SSX2IP: variants seen among roughly 807,000 people sequenced by gnomAD.
The protein encoded by SSX2IP is afadin- and alpha-actinin-binding protein.
A neutral mutation model predicts 84.9 loss-of-function variants in SSX2IP; 55 were observed. The ratio of observed to expected loss-of-function variants is 0.65; its 90% CI spans 0.52 to 0.81. The LOEUF (loss-of-function observed/expected upper bound fraction) is 0.81. Among genes scored for constraint, SSX2IP ranks in the 30% least tolerant of loss-of-function variants. The probability of loss-of-function intolerance (pLI) is 0.00; values close to 1 mark genes in which losing one functional copy is unlikely to be tolerated. For synonymous variants in SSX2IP, 239 were observed against 234.7 expected, an observed-to-expected ratio of 1.02 and a Z score of -0.17; for missense variants, 664 against 705.2, an observed-to-expected ratio of 0.94 and a Z score of 0.66.
chr1:84,660,298 T>C (rs1243821578), intron 8 of SSX2IP, among the ~76,000 whole-genome samples: 1 of 152,110 alleles, frequency 6.6e-6, no homozygotes, highest in African/African-American at 2.4e-5. Context: ...GGCTGAGTAA[T>C]GGGGGTGAGG....
chr1:84,673,451 C>T (rs1323197714), intron 1 of SSX2IP, among the ~76,000 whole-genome samples: 1 of 152,200 alleles, frequency 6.6e-6, no homozygotes, highest in Non-Finnish European at 1.5e-5. Context: ...AGCAAGGCTA[C>T]AGCGTAGGAA....
At chr1:84,649,923 G>C (rs1649980693) in intron 13 of SSX2IP, 1 of 537,950 alleles carries the variant, frequency 1.9e-6, no homozygotes, top group South Asian at 1.4e-5. Flanking sequence ...CACTCAACAG[G>C]AACAGGCTTT....
Position 84,652,068 on chromosome 1 carries a change from C to T in SSX2IP, c.1390-71G>A, listed in dbSNP as rs556979632. 4.8e-5 allele frequency: 53 copies of T among 1,103,578 alleles called. No individual in the cohort carries two copies. The Admixed American group carries it at 5.3e-4, about 11-fold the overall frequency. The allele number at this position is 1,103,578 out of a possible 1,614,324, so 68.4% of individuals were successfully genotyped here. A position where few individuals can be genotyped will look rare whatever the true frequency, so the allele number is the denominator to read the frequency against. On this transcript the variant is annotated intron_variant, in intron 11 of 13. Transcript: ENST00000342203. ...ACACAGTTGCCATTTCACATGATTGCTCTAGCTATCTTTGTTTGCTCTCTG... is the reference window on the plus strand; with the variant it reads ...ACACAGTTGCCATTTCACATGATTGTTCTAGCTATCTTTGTTTGCTCTCTG...
In SSX2IP at chr1:84,648,451, A is replaced by C. The variant is rs545938668; in HGVS notation, c.1671-844T>G. On this transcript the variant is annotated intron_variant, in intron 13 of 13. Coordinates refer to ENST00000342203, the MANE Select transcript of SSX2IP (RefSeq NM_001166293.2). Reference sequence around the variant, plus strand: ...TTTTTATTTTTATAGTCTGTCACTAAATGTTTTTAAGTGCTTTACATACAT... The same window carrying C: ...TTTTTATTTTTATAGTCTGTCACTACATGTTTTTAAGTGCTTTACATACAT... Among the ~76,000 whole-genome samples, 16 of 152,312 alleles carry C rather than the reference A, an allele frequency of 1.1e-4. No homozygotes were observed. In the East Asian group the frequency reaches 2.9e-3, roughly 28 times the overall value.
intron 6 of SSX2IP, among the ~76,000 whole-genome samples, chr1:84,663,831 T>C (rs1323334044): frequency 6.6e-6 from 1 of 152,222 alleles, no homozygotes; most frequent in Admixed American, 6.5e-5. Flanking sequence ...TCTACTTTCG[T>C]GTTTCTTTGC....
rs74098429 is a variant in SSX2IP, at chr1:84,665,422, A to G, written c.537+700T>C. On this transcript the variant is annotated intron_variant, in intron 5 of 13. Coordinates refer to ENST00000342203, the MANE Select transcript of SSX2IP (RefSeq NM_001166293.2). ...GAAATACACTCCTCAGAAGTCTTTA[A>G]TTGTAGTTAAAACAACATATAAAAC... Among the ~76,000 whole-genome samples the G allele has an allele frequency of 9.8e-3, 1,491 of 152,328 alleles. 20 individuals carry two copies. Among genetic ancestry groups the G allele is most frequent in the African/African-American group, 0.034 (1,409 of 41,574 alleles).
Position 84,659,537 on chromosome 1 carries a change from T to C in SSX2IP, c.928-1069A>G, listed in dbSNP as rs147903279. On this transcript the variant is annotated intron_variant, in intron 8 of 13. Coordinates refer to ENST00000342203, the MANE Select transcript of SSX2IP (RefSeq NM_001166293.2). ...TTGGCCGGGCGCGGTGGCTCATGCC[T>C]GTATGTAATCCCAGCACTTTGGGAG... Among the ~76,000 whole-genome samples the C allele has an allele frequency of 3.3e-4, 51 of 152,248 alleles. No individual in the cohort carries two copies. In the East Asian group the frequency reaches 5.8e-3, roughly 17 times the overall value.
intron 1 of SSX2IP, among the ~76,000 whole-genome samples, chr1:84,680,021 T>A (rs1654865548): frequency 5.3e-5 from 8 of 152,174 alleles, no homozygotes; most frequent in Admixed American, 5.2e-4. Context: ...ACTACTCCTT[T>A]AAGAACCAGA....
chr1:84,661,312 T>C (rs1451670583), intron 8 of SSX2IP, among the ~76,000 whole-genome samples: 2 of 152,148 alleles, frequency 1.3e-5, no homozygotes, highest in Non-Finnish European at 2.9e-5. Flanking sequence ...TTTTAACTTA[T>C]ACGTAAAGCA....
Position 84,686,528 on chromosome 1 carries a change from C to T in SSX2IP, c.-90+3843G>A, listed in dbSNP as rs1436913645. On this transcript the variant is annotated intron_variant, in intron 1 of 13. Transcript: ENST00000342203. ...TGTAGCTTACTGGGTTTGGAGATGC[C>T]CTTATGAGACATTCACATGGGGATA... Among the ~76,000 whole-genome samples the T allele has an allele frequency of 2.0e-5, 3 of 152,046 alleles. No individual in the cohort carries two copies. The East Asian group carries it at 5.8e-4, about 29-fold the overall frequency.
chr1:84,688,685 A>G (rs1429519575), intron 1 of SSX2IP, among the ~76,000 whole-genome samples: 3 of 152,220 alleles, frequency 2.0e-5, no homozygotes, highest in African/African-American at 7.2e-5. Flanking sequence ...TAGTTTTCTC[A>G]TATATCTGCC....
chr1:84,683,215 C>T lies in SSX2IP; in HGVS notation c.-90+7156G>A, dbSNP rs193106041. 4.2e-4 allele frequency among the ~76,000 whole-genome samples: 64 copies of T among 151,900 alleles called. 1 individual carries two copies. In the Middle Eastern group the frequency reaches 0.01, roughly 24 times the overall value. ...TGCAGGTTTGCTGCACCTATCAATC[C>T]GTCATCTAGGTTTTAAGCCCCGCAT... On this transcript the variant is annotated intron_variant, in intron 1 of 13. Transcript: ENST00000342203.
At position 84,679,000 on chromosome 1, in the gene SSX2IP, A is replaced by C. The variant is rs374054998; in HGVS notation, c.-89-7692T>G. ...AAATATTGCACAGAATTTTTCACAA[A>C]TAGAGCTAACTGAAGTCTTTGCTAA... On this transcript the variant is annotated intron_variant, in intron 1 of 13. Transcript: ENST00000342203. Among the ~76,000 whole-genome samples the C allele has an allele frequency of 2.0e-5, 3 of 152,352 alleles. No individual in the cohort carries two copies. The East Asian group carries it at 5.8e-4, about 29-fold the overall frequency.
chr1:84,677,129 T>G (rs1654460138), intron 1 of SSX2IP, among the ~76,000 whole-genome samples: 1 of 152,222 alleles, frequency 6.6e-6, no homozygotes, highest in South Asian at 2.1e-4. Flanking sequence ...TGATTTCCAC[T>G]GTTTATTTAG....
intron 1 of SSX2IP, among the ~76,000 whole-genome samples, chr1:84,674,088 A>C (rs1348890618): frequency 3.3e-5 from 5 of 152,264 alleles, no homozygotes; most frequent in Non-Finnish European, 5.9e-5. Context: ...AGGGACAATA[A>C]ACCTATTCTA....
At chr1:84,680,231 TA>T (rs1654891443) in intron 1 of SSX2IP, 1 of 152,186 alleles carries the variant, frequency 6.6e-6, no homozygotes, top group Non-Finnish European at 1.5e-5. Context: ...TTAAATTCCT[TA>T]TATATCTTTG....
Position 84,646,444 on chromosome 1 carries a change from T to C in SSX2IP, c.*989A>G, listed in dbSNP as rs892962680. 1 of 152,492 alleles carries C rather than the reference T, an allele frequency of 6.6e-6. No homozygotes were observed. Among genetic ancestry groups the C allele is most frequent in the Non-Finnish European group, 1.5e-5 (1 of 68,020 alleles). The allele number at this position is 152,492 out of a possible 1,614,324, so 9.4% of individuals were successfully genotyped here. On this transcript the variant is annotated 3_prime_UTR_variant, in exon 14 of 14. Coordinates refer to ENST00000342203, the MANE Select transcript of SSX2IP (RefSeq NM_001166293.2). ...CAGTGGTAAATACCTCATTAAAAAATTATTAAAAAATTATTGACAATACAA... is the reference window on the plus strand; with the variant it reads ...CAGTGGTAAATACCTCATTAAAAAACTATTAAAAAATTATTGACAATACAA...
intron 11 of SSX2IP, 191 bp downstream of exon 11, chr1:84,655,641 C>T: frequency 6.6e-7 from 1 of 1,514,064 alleles, no homozygotes; most frequent in Non-Finnish European, 8.8e-7. Flanking sequence ...GTTCAATTCT[C>T]AAATCTGGTA....
chr1:84,673,195 T>G (rs1489204819), intron 1 of SSX2IP, among the ~76,000 whole-genome samples: 2 of 151,838 alleles, frequency 1.3e-5, no homozygotes, highest in African/African-American at 2.4e-5. Flanking sequence ...GAGTGATAAC[T>G]AAAAAGAAAA....
Sources: gnomAD v4.1 joint callset for allele counts (sites outside exome capture counted in the v4.1 genomes callset) on GRCh38, gnomAD v4.1.1 for gene constraint, MANE v1.5 for transcripts, NCBI Gene and HGNC (gene_info 2026-07-23, HGNC 2026-07-21) for gene names.